The following MAU2 variants were observed in gnomAD, a reference collection of about 807,000 sequenced individuals.
MAU2 encodes the protein MAU2 chromatid cohesion factor homolog.
A neutral mutation model predicts 89.1 loss-of-function variants in MAU2; 9 were observed. The ratio of observed to expected loss-of-function variants is 0.10; its 90% CI spans 0.06 to 0.18. The LOEUF is 0.18. Ranked by LOEUF, MAU2 falls within the 10% of genes least tolerant of loss-of-function variation. The pLI, the probability that MAU2 is intolerant of heterozygous loss-of-function variation, is 1.00. For synonymous variants in MAU2, 357 were observed against 343.4 expected (o/e 1.04, Z -0.44); for missense variants, 425 against 803.5 (o/e 0.53, Z 5.69).
chr19:19,348,946 G>C lies in MAU2; in HGVS notation c.1358+8G>C, dbSNP rs143738883. The C allele has an allele frequency of 1.2e-6, 2 of 1,612,822 alleles. No individual in the cohort carries two copies. Among genetic ancestry groups the C allele is most frequent in the Non-Finnish European group, 8.5e-7 (1 of 1,179,556 alleles). On this transcript the variant is annotated splice_region_variant and intron_variant, in intron 14 of 18. Transcript: ENST00000262815. ...CCACAGCTTCCCTGTCAGGTGAGCC[G>C]CTCCAGGCACCACTCCACGCACGGC...
In MAU2 at chr19:19,335,710, T is replaced by A; in HGVS notation, c.277-8T>A. 6.2e-7 allele frequency: 1 copy of A among 1,614,144 alleles called. No homozygotes were observed. Among genetic ancestry groups the A allele is most frequent in the Non-Finnish European group, 8.5e-7 (1 of 1,179,968 alleles). On this transcript the variant is annotated splice_region_variant and splice_polypyrimidine_tract_variant and intron_variant, in intron 1 of 18. Transcript: ENST00000262815. Reference sequence around the variant, plus strand: ...TGAGAATTAATCGTTGTTTTCTTTCTTTTTCAGTGGTTGATATCACAGCAA... The same window carrying A: ...TGAGAATTAATCGTTGTTTTCTTTCATTTTCAGTGGTTGATATCACAGCAA...
chr19:19,321,454 A>G (rs916465153), intron 1 of MAU2: 7 of 298,528 alleles, frequency 2.3e-5, no homozygotes, highest in African/African-American at 1.6e-4. Context: ...GGAGGATCCC[A>G]CCTGTTGGTG....
rs2048189644 is a variant in MAU2 at position 19,357,212 on chromosome 19, A to C, written c.*1430A>C. 6.6e-6 allele frequency: 1 copy of C among 152,318 alleles called. No homozygotes were observed. The highest frequency in any genetic ancestry group is 2.4e-5 in the African/African-American group (1 of 41,444). 9.4% of individuals were successfully genotyped at this position (152,318 alleles called of 1,614,324 possible). On this transcript the variant is annotated 3_prime_UTR_variant, in exon 19 of 19. Transcript: ENST00000262815. ...TCACTGGCCACCACCTGACATCAGC[A>C]CCAGTGACAGGCTGGTCAGAGGGCG...
chr19:19,355,679 C>A, intron 18 of MAU2, 29 bp from the exon 19 acceptor site: 1 of 1,583,638 alleles, frequency 6.3e-7, no homozygotes, highest in Non-Finnish European at 8.6e-7. Flanking sequence ...TCCACAGTGC[C>A]TCACTCGCAT....
At chr19:19,350,351 C>A (rs1423966412) in intron 16 of MAU2, among the ~76,000 whole-genome samples, 3 of 150,830 alleles carry the variant, frequency 2.0e-5, no homozygotes, top group Non-Finnish European at 4.4e-5. Flanking sequence ...TGCCTGTAAT[C>A]CCAGCACTTT....
chr19:19,334,217 GGCAGGT>G (rs2061578431), intron 1 of MAU2: 1 of 985,108 alleles, frequency 1.0e-6, no homozygotes, highest in South Asian at 4.7e-5. Context: ...CACTTCTGAC[GGCAGGT>G]GCTGGCCCCG....
chr19:19,327,081 G>A (rs1241744313), intron 1 of MAU2, among the ~76,000 whole-genome samples: 1 of 149,328 alleles, frequency 6.7e-6, no homozygotes, highest in East Asian at 2.0e-4. Flanking sequence ...AAAGTGCTGG[G>A]ATTACAGGTG....
At chr19:19,330,451 G>A (rs1389330135) in intron 1 of MAU2, among the ~76,000 whole-genome samples, 1 of 151,344 alleles carries the variant, frequency 6.6e-6, no homozygotes, top group Non-Finnish European at 1.5e-5. Flanking sequence ...AAAACAATTA[G>A]TTGGGCCTGC....
rs1599913985 is a variant in MAU2 at position 19,342,844 on chromosome 19, C to T, written c.951C>T (p.Leu317=). Residue 317 remains leucine (L), a synonymous_variant, in exon 9 of 19, where the codon CTC becomes CTT. Transcript: ENST00000262815. ...CGCAGAAGTACACGGACAAGGCCCT[C>T]ATGCAGCTGGAGAAGCTCAAGAGTA... ...EKAQKYTDKA[L]MQLEKLKMLD... 1 of 1,614,028 alleles carries T rather than the reference C, an allele frequency of 6.2e-7. No homozygotes were observed. The highest frequency in any genetic ancestry group is 8.5e-7 in the Non-Finnish European group (1 of 1,180,002).
At chr19:19,344,264 T>C in intron 10 of MAU2, 1 of 304,558 alleles carries the variant, frequency 3.3e-6, no homozygotes, top group Non-Finnish European at 6.4e-6. Flanking sequence ...ATATAAAAAT[T>C]AGCCAGGTGT....
At chr19:19,321,275 C>G in intron 1 of MAU2, 140 bp downstream of exon 1, 1 of 1,034,030 alleles carries the variant, frequency 9.7e-7, no homozygotes, top group Non-Finnish European at 1.3e-6. Context: ...AGGACCCCCA[C>G]CCGCCTCTGC....
In MAU2 at chr19:19,341,414, G is replaced by T. The variant is rs1276196201; in HGVS notation, c.735+7G>T. 1.2e-6 allele frequency: 2 copies of T among 1,613,386 alleles called. No individual in the cohort carries two copies. Among genetic ancestry groups the T allele is most frequent in the Non-Finnish European group, 1.7e-6 (2 of 1,179,960 alleles). On this transcript the variant is annotated splice_region_variant and intron_variant, in intron 7 of 18. Coordinates refer to ENST00000262815, the MANE Select transcript of MAU2 (RefSeq NM_015329.4). ...CTATCTGGATGCCGGGCAGGTGTGT[G>T]GCGCCTCTCAGGCGAGCTGCTGGTT...
chr19:19,339,438 T>A (rs1164367001), intron 5 of MAU2, among the ~76,000 whole-genome samples: 1 of 149,012 alleles, frequency 6.7e-6, no homozygotes, highest in African/African-American at 2.5e-5. Flanking sequence ...AGAGCGAGAC[T>A]CCGTCTCAAA....
In MAU2 at chr19:19,355,843, G is replaced by A. The variant is rs1468209990; in HGVS notation, c.*61G>A. The A allele has an allele frequency of 4.1e-6, 6 of 1,479,786 alleles. No homozygotes were observed. Among genetic ancestry groups the A allele is most frequent in the East Asian group, 2.3e-5 (1 of 44,282 alleles). The allele number at this position is 1,479,786 out of a possible 1,614,324, so 91.7% of individuals were successfully genotyped here. ...CGCGTCTCCGGCTTCCACCCAGACG[G>A]CACTCAAGCCTGCCCCCGAGGCGTG... is the stretch of plus-strand genomic sequence containing the variant. On this transcript the variant is annotated 3_prime_UTR_variant, in exon 19 of 19. Coordinates refer to ENST00000262815, the MANE Select transcript of MAU2 (RefSeq NM_015329.4).
chr19:19,337,115 T>A, intron 3 of MAU2, 55 bp from the exon 4 acceptor site: 1 of 1,314,612 alleles, frequency 7.6e-7, no homozygotes, highest in Non-Finnish European at 1.1e-6. Flanking sequence ...CCAGCTTGAT[T>A]GCCGCCTTGT....
At chr19:19,329,402 C>A (rs2061537201) in intron 1 of MAU2, among the ~76,000 whole-genome samples, 1 of 152,166 alleles carries the variant, frequency 6.6e-6, no homozygotes, top group Admixed American at 6.6e-5. Context: ...CCTTCCTCTC[C>A]CACCCCGGTT....
intron 1 of MAU2, chr19:19,329,048 C>G: frequency 2.2e-6 from 1 of 456,012 alleles, no homozygotes; most frequent in Non-Finnish European, 4.4e-6. Flanking sequence ...ATTCTGCATC[C>G]AGGTTTAGCC....
At chr19:19,354,331 C>A in intron 16 of MAU2, 24 bp from the exon 17 acceptor site, 1 of 1,599,802 alleles carries the variant, frequency 6.3e-7, no homozygotes, top group South Asian at 1.1e-5. Flanking sequence ...CTCCTCACTC[C>A]CCCTTGCTGC....
At chr19:19,328,408 C>G (rs1031839872) in intron 1 of MAU2, among the ~76,000 whole-genome samples, 4 of 151,688 alleles carry the variant, frequency 2.6e-5, no homozygotes, top group African/African-American at 9.7e-5. Context: ...ACCTGCATAT[C>G]CGTTTCCCCC....
Sources: gnomAD v4.1 joint callset for allele counts (sites outside exome capture counted in the v4.1 genomes callset) on GRCh38, gnomAD v4.1.1 for gene constraint, MANE v1.5 for transcripts, NCBI Gene and HGNC (gene_info 2026-07-23, HGNC 2026-07-21) for gene names.